The following AAGAB variants were observed in gnomAD, a reference collection of about 807,000 sequenced individuals.
AAGAB encodes the protein alpha- and gamma-adaptin-binding protein p34.
In AAGAB, 38 loss-of-function variants were observed where a neutral mutation model predicts 44.1. The observed-to-expected ratio is 0.86, with a 90% CI of 0.67 to 1.13. AAGAB has a LOEUF of 1.13. AAGAB is among the 50% of genes most tolerant of loss of function. The probability of loss-of-function intolerance (pLI) is 0.00; values close to 1 mark genes in which losing one functional copy is unlikely to be tolerated. For missense variants in AAGAB, 450 were observed against 373.8 expected (o/e 1.20, Z -1.68); for synonymous variants, 131 against 131.8 (o/e 0.99, Z 0.04).
intron 7 of AAGAB, among the ~76,000 whole-genome samples, chr15:67,205,503 T>TA (rs1567013835): frequency 6.6e-6 from 1 of 152,106 alleles, no homozygotes; most frequent in African/African-American, 2.4e-5. Context: ...TGACAATATT[T>TA]AAAGGCTGGG....
chr15:67,246,835 G>C (rs553807895), intron 1 of AAGAB, among the ~76,000 whole-genome samples: 92 of 152,278 alleles, frequency 6.0e-4, no homozygotes, highest in African/African-American at 2.2e-3. Context: ...GCACCAATCA[G>C]CATTCTGTAA....
At chr15:67,232,654 T>C in intron 4 of AAGAB, 1 of 306,002 alleles carries the variant, frequency 3.3e-6, no homozygotes, top group Non-Finnish European at 6.7e-6. Flanking sequence ...ACTACTGGCT[T>C]TGGCATAATT....
At chr15:67,254,988 C>G, upstream of AAGAB, 1 of 1,590,578 alleles carries the variant, frequency 6.3e-7, no homozygotes, top group Non-Finnish European at 8.6e-7. Flanking sequence ...TGCCCAGCCG[C>G]GCCACTTCCG....
At chr15:67,213,276 G>C (rs1468154951) in intron 5 of AAGAB, among the ~76,000 whole-genome samples, 1 of 152,116 alleles carries the variant, frequency 6.6e-6, no homozygotes, top group Admixed American at 6.5e-5. Flanking sequence ...GATTCTTCCA[G>C]AAAGTGTCAG....
rs1290930804 is a variant in AAGAB at position 67,200,933 on chromosome 15, CTA to C, written c.*1886_*1887del. The stretch of plus-strand genomic sequence containing the variant: ...GCTTGACAGACTCTTCCACTATTCA[CTA>C]TATATGTCTAATCCAATGAAGGATA... On this transcript the variant is annotated 3_prime_UTR_variant, in exon 10 of 10. Coordinates refer to ENST00000261880, the MANE Select transcript of AAGAB (RefSeq NM_024666.5). The C allele has an allele frequency of 1.3e-5, 2 of 152,352 alleles. No individual in the cohort carries two copies. The highest frequency in any genetic ancestry group is 2.9e-5 in the Non-Finnish European group (2 of 68,030). 9.4% of individuals were successfully genotyped at this position (152,352 alleles called of 1,614,324 possible).
chr15:67,230,904 A>G (rs1964319071), intron 5 of AAGAB, among the ~76,000 whole-genome samples: 1 of 152,140 alleles, frequency 6.6e-6, no homozygotes, highest in Non-Finnish European at 1.5e-5. Flanking sequence ...CCTTCTTTGC[A>G]TCAACCCCTT....
chr15:67,217,608 G>GCT (rs777115566), intron 5 of AAGAB, among the ~76,000 whole-genome samples: 17 of 152,082 alleles, frequency 1.1e-4, no homozygotes, highest in Non-Finnish European at 2.2e-4. Context: ...TGTGATCTTG[G>GCT]CTCACTGCAA....
chr15:67,254,070 G>A (rs1014221774), intron 1 of AAGAB, among the ~76,000 whole-genome samples: 14 of 152,228 alleles, frequency 9.2e-5, no homozygotes, highest in African/African-American at 2.7e-4. Context: ...TAACTAGAGT[G>A]GAGCGGACAA....
intron 5 of AAGAB, among the ~76,000 whole-genome samples, chr15:67,222,230 A>ACGTG (rs1555417838): frequency 1.5e-5 from 2 of 133,774 alleles, no homozygotes; most frequent in African/African-American, 5.9e-5. Flanking sequence ...ATGCACGCGC[A>ACGTG]CGCGCGCGCG....
At chr15:67,209,079 G>A (rs892866805) in intron 6 of AAGAB, among the ~76,000 whole-genome samples, 1 of 152,180 alleles carries the variant, frequency 6.6e-6, no homozygotes, top group African/African-American at 2.4e-5. Flanking sequence ...AAGTTCTTAA[G>A]GATGCAGGGT....
upstream of AAGAB, chr15:67,254,761 C>T (rs894664153): frequency 2.2e-5 from 29 of 1,322,240 alleles, 1 homozygote; most frequent in South Asian, 2.2e-4. Flanking sequence ...GACCCCGCCC[C>T]TAGACCCCCT....
chr15:67,239,768 T>C (rs1321524526), intron 1 of AAGAB, among the ~76,000 whole-genome samples: 2 of 152,240 alleles, frequency 1.3e-5, no homozygotes, highest in African/African-American at 4.8e-5. Context: ...AAAATGTAAA[T>C]GTCTACACTA....
At chr15:67,231,517 G>A (rs1376423439) in intron 5 of AAGAB, among the ~76,000 whole-genome samples, 2 of 152,134 alleles carry the variant, frequency 1.3e-5, no homozygotes, top group African/African-American at 4.8e-5. Flanking sequence ...TTTCACAGCT[G>A]GACTAGGAGC....
chr15:67,251,564 G>C (rs1055245848), intron 1 of AAGAB, among the ~76,000 whole-genome samples: 2 of 152,138 alleles, frequency 1.3e-5, no homozygotes, highest in African/African-American at 4.8e-5. Context: ...ACTGTTTTAA[G>C]AATAATTCTA....
intron 5 of AAGAB, among the ~76,000 whole-genome samples, chr15:67,225,910 T>C (rs1964193083): frequency 1.3e-5 from 2 of 152,338 alleles, no homozygotes; most frequent in South Asian, 4.1e-4. Flanking sequence ...CTGGGTCATA[T>C]GGTAATTCTA....
chr15:67,202,922 A>G (rs1352539492), intron 9 of AAGAB, 24 bp from the exon 10 acceptor site: 4 of 1,609,718 alleles, frequency 2.5e-6, no homozygotes, highest in African/African-American at 1.3e-5. Flanking sequence ...CATGCAACAA[A>G]TTTTAGGCAA....
At position 67,202,497 on chromosome 15, in the gene AAGAB, A is replaced by C; in HGVS notation, c.*324T>G. 3.8e-6 allele frequency: 1 copy of C among 261,104 alleles called. No individual in the cohort carries two copies. Among genetic ancestry groups the C allele is most frequent in the Non-Finnish European group, 7.3e-6 (1 of 136,312 alleles). The allele number at this position is 261,104 out of a possible 1,614,324, so 16.2% of individuals were successfully genotyped here. ...ATGCTACTTAAAAGGTTGACCAGGA[A>C]TGGCCTGGAGGTTGTCTTCAACTTG... On this transcript the variant is annotated 3_prime_UTR_variant, in exon 10 of 10. Transcript: ENST00000261880.
chr15:67,213,253 G>C lies in AAGAB; in HGVS notation c.536-3709C>G, dbSNP rs112213201. ...TATCATGAAAAAATCTGGCGGTGCT[G>C]GTCATTAGCATAGATTCTTCCAGAA... On this transcript the variant is annotated intron_variant, in intron 5 of 9. Coordinates refer to ENST00000261880, the MANE Select transcript of AAGAB (RefSeq NM_024666.5). 4.4e-3 allele frequency among the ~76,000 whole-genome samples: 666 copies of C among 152,202 alleles called. 6 individuals carry two copies. The highest frequency in any genetic ancestry group is 0.016 in the African/African-American group (646 of 41,530).
intron 1 of AAGAB, among the ~76,000 whole-genome samples, chr15:67,245,566 G>A (rs889153306): frequency 6.6e-6 from 1 of 152,172 alleles, no homozygotes; most frequent in Non-Finnish European, 1.5e-5. Flanking sequence ...ATCCGTAAAT[G>A]TATTAAAAAA....
Sources: gnomAD v4.1 joint callset for allele counts (sites outside exome capture counted in the v4.1 genomes callset) on GRCh38, gnomAD v4.1.1 for gene constraint, MANE v1.5 for transcripts, NCBI Gene and HGNC (gene_info 2026-07-23, HGNC 2026-07-21) for gene names.